PCDHA13: variants seen among roughly 807,000 people sequenced by gnomAD.
PCDHA13 encodes protocadherin alpha-13.
PCDHA13 carries 54 observed loss-of-function variants against 64.8 expected under a neutral mutation model. The observed-to-expected ratio is 0.83, with a 90% CI of 0.67 to 1.04. The LOEUF is 1.04. Among genes scored for constraint, PCDHA13 ranks in the 50% least tolerant of loss-of-function variants. PCDHA13 has a pLI of 0.00. For synonymous variants in PCDHA13, 587 were observed against 564.4 expected (o/e 1.04, Z -0.57); for missense variants, 1,248 against 1,254.3 (o/e 0.99, Z 0.08).
At chr5:140,942,382 A>C (rs1341028342) in intron 1 of PCDHA13, among the ~76,000 whole-genome samples, 2 of 152,102 alleles carry the variant, frequency 1.3e-5, no homozygotes, top group African/African-American at 4.8e-5. Context: ...ACTGCATTCC[A>C]GCCTGGGCGA....
chr5:140,966,930 G>A (rs1554228913), intron 1 of PCDHA13: 1 of 1,603,704 alleles, frequency 6.2e-7, no homozygotes, highest in Middle Eastern at 1.7e-4. Flanking sequence ...CAGGCACCCG[G>A]CGCGCTCGTG....
At chr5:140,895,437 C>A (rs1250254286) in intron 1 of PCDHA13, among the ~76,000 whole-genome samples, 3 of 152,172 alleles carry the variant, frequency 2.0e-5, no homozygotes, top group Non-Finnish European at 2.9e-5. Context: ...TCCTGAGACT[C>A]TTTTCATGTG....
At chr5:140,910,479 A>G (rs2075041093) in intron 1 of PCDHA13, among the ~76,000 whole-genome samples, 1 of 152,212 alleles carries the variant, frequency 6.6e-6, no homozygotes. Context: ...AAAATCTGGC[A>G]TACAGAGAAG....
At chr5:140,978,694 G>A (rs1184051557) in intron 1 of PCDHA13, among the ~76,000 whole-genome samples, 1 of 152,258 alleles carries the variant, frequency 6.6e-6, no homozygotes, top group African/African-American at 2.4e-5. Context: ...GCAAGGCAAA[G>A]CCAAAGGTGG....
chr5:140,966,812 C>T, intron 1 of PCDHA13: 1 of 1,550,798 alleles, frequency 6.4e-7, no homozygotes, highest in East Asian at 2.4e-5. Flanking sequence ...GCATCCACGG[C>T]TCCGGCGGCC....
intron 1 of PCDHA13, among the ~76,000 whole-genome samples, chr5:140,907,645 T>C (rs2073515740): frequency 1.3e-5 from 2 of 152,328 alleles, no homozygotes; most frequent in South Asian, 4.1e-4. Flanking sequence ...TGCTGGCAAA[T>C]TGGGCACTCA....
At chr5:140,924,732 T>TA (rs1333846222) in intron 1 of PCDHA13, among the ~76,000 whole-genome samples, 2 of 151,706 alleles carry the variant, frequency 1.3e-5, no homozygotes, top group African/African-American at 4.8e-5. Flanking sequence ...TCACCTCTAA[T>TA]AAAAATACAA....
At chr5:140,938,205 C>T (rs1435832298) in intron 1 of PCDHA13, among the ~76,000 whole-genome samples, 3 of 152,160 alleles carry the variant, frequency 2.0e-5, no homozygotes, top group Non-Finnish European at 4.4e-5. Context: ...GCCAGCCTCC[C>T]AAAGTGCTGG....
At chr5:140,901,716 G>A (rs555901106) in intron 1 of PCDHA13, among the ~76,000 whole-genome samples, 1 of 152,176 alleles carries the variant, frequency 6.6e-6, no homozygotes, top group South Asian at 2.1e-4. Flanking sequence ...TTTTCAGATT[G>A]TCTTTTCTAT....
In PCDHA13 at chr5:140,967,246, G is replaced by T. The variant is rs569213693; in HGVS notation, c.2395-11703G>T. On this transcript the variant is annotated intron_variant, in intron 1 of 3. Coordinates refer to ENST00000289272, the MANE Select transcript of PCDHA13 (RefSeq NM_018904.3). ...ACTACCAGCTTCAGGTAAGCGAATCGGTGGCGCCTGGAGCGCGCTTTCACA... is the reference window on the plus strand; with the variant it reads ...ACTACCAGCTTCAGGTAAGCGAATCTGTGGCGCCTGGAGCGCGCTTTCACA... The T allele has an allele frequency of 9.6e-5, 155 of 1,613,594 alleles. 2 individuals carry two copies. In the South Asian group the frequency reaches 1.4e-3, roughly 15 times the overall value.
At chr5:140,960,488 GT>G (rs1373763536) in intron 1 of PCDHA13, among the ~76,000 whole-genome samples, 4 of 152,150 alleles carry the variant, frequency 2.6e-5, no homozygotes, top group African/African-American at 9.7e-5. Flanking sequence ...AGAGGTGTAG[GT>G]TTGTTTGTTC....
At chr5:140,928,109 A>C (rs1472439079) in intron 1 of PCDHA13, 1 of 1,613,986 alleles carries the variant, frequency 6.2e-7, no homozygotes, top group African/African-American at 1.3e-5. Context: ...CTGGACCGGG[A>C]GCAGATCAGT....
At chr5:140,931,962 A>G (rs1439185046) in intron 1 of PCDHA13, among the ~76,000 whole-genome samples, 1 of 151,924 alleles carries the variant, frequency 6.6e-6, no homozygotes, top group Non-Finnish European at 1.5e-5. Context: ...AATCATGTTG[A>G]TGCATATGTG....
At chr5:140,989,890 G>A (rs368567650) in intron 3 of PCDHA13, among the ~76,000 whole-genome samples, 5 of 151,974 alleles carry the variant, frequency 3.3e-5, no homozygotes, top group Middle Eastern at 3.4e-3. Context: ...TGGAGTCTCC[G>A]TTATTCACAA....
chr5:140,986,195 A>G (rs1200850544), intron 3 of PCDHA13, among the ~76,000 whole-genome samples: 1 of 152,314 alleles, frequency 6.6e-6, no homozygotes, highest in Non-Finnish European at 1.5e-5. Context: ...TAAATTGGTT[A>G]ATCCTGATTA....
intron 3 of PCDHA13, among the ~76,000 whole-genome samples, chr5:140,996,269 T>C (rs1183604392): frequency 6.6e-6 from 1 of 152,194 alleles, no homozygotes; most frequent in East Asian, 1.9e-4. Context: ...GAGCCTGGGA[T>C]TGCTGCCAAA....
rs1211665444 is a variant in PCDHA13 at position 140,883,262 on chromosome 5, G to T, written c.994G>T (p.Gly332Cys). Residue 332 changes from glycine (G) to cysteine (C), a missense_variant, in exon 1 of 4, where the codon GGT becomes TGT. Physicochemically the swap from Gly to Cys is radical, Grantham distance 159. Transcript: ENST00000289272. Reference protein sequence around the residue: ...AVDKGNIPMAGHCTLLVEVLD... With the variant: ...AVDKGNIPMACHCTLLVEVLD... ...TGACAAAGGAAATATTCCAATGGCG[G>T]GTCATTGTACCCTTTTGGTGGAAGT... 1 of 1,613,956 alleles carries T rather than the reference G, an allele frequency of 6.2e-7. No homozygotes were observed.
rs578208339 is a variant in PCDHA13 at position 141,001,194 on chromosome 5, C to G, written c.2543-8433C>G. Among the ~76,000 whole-genome samples the G allele has an allele frequency of 1.1e-4, 17 of 152,218 alleles. 1 individual carries two copies. In the South Asian group the frequency reaches 3.3e-3, roughly 30 times the overall value. On this transcript the variant is annotated intron_variant, in intron 3 of 3. Coordinates refer to ENST00000289272, the MANE Select transcript of PCDHA13 (RefSeq NM_018904.3). ...ACGAGTTTTTACTTTGCACCATGCA[C>G]TTATGCTATGTGCTGTATAAGGATA...
At chr5:140,911,892 G>A (rs2075679347) in intron 1 of PCDHA13, among the ~76,000 whole-genome samples, 1 of 152,176 alleles carries the variant, frequency 6.6e-6, no homozygotes. Flanking sequence ...ACCAAAATCT[G>A]TATTAGTCAG....
Sources: allele counts gnomAD v4.1 joint callset (sites outside exome capture counted in the v4.1 genomes callset), GRCh38; gene constraint gnomAD v4.1.1; transcripts MANE v1.5; gene names NCBI Gene and HGNC (gene_info 2026-07-23, HGNC 2026-07-21).